Variants in DDX4 observed in about 807,000 individuals in gnomAD.
The protein encoded by DDX4 is probable ATP-dependent RNA helicase DDX4.
Under a neutral mutation model 100.0 loss-of-function variants are expected in DDX4, and 25 were observed. That is an observed-to-expected ratio of 0.25 (90% CI 0.18 to 0.35). The LOEUF (loss-of-function observed/expected upper bound fraction) is 0.35. Among genes scored for constraint, DDX4 ranks in the 10% least tolerant of loss-of-function variants. The pLI is 1.00. For synonymous variants in DDX4, 259 were observed against 275.7 expected, an observed-to-expected ratio of 0.94 and a Z score of 0.60; for missense variants, 635 against 882.4, an observed-to-expected ratio of 0.72 and a Z score of 3.55.
intron 18 of DDX4, among the ~76,000 whole-genome samples, chr5:55,812,094 G>T (rs181286514): frequency 1.3e-5 from 2 of 151,910 alleles, no homozygotes; most frequent in Non-Finnish European, 1.5e-5. Flanking sequence ...CTTGTAATAC[G>T]TTTTTTCAAA....
chr5:55,761,277 A>G (rs940442634), intron 4 of DDX4, among the ~76,000 whole-genome samples: 1 of 152,182 alleles, frequency 6.6e-6, no homozygotes, highest in African/African-American at 2.4e-5. Flanking sequence ...TACTATTAAA[A>G]TTAGAAATAT....
chr5:55,740,446 A>G (rs897366343), intron 2 of DDX4, among the ~76,000 whole-genome samples: 1 of 151,534 alleles, frequency 6.6e-6, no homozygotes, highest in African/African-American at 2.4e-5. Flanking sequence ...GATTACAGTC[A>G]TGAGCCACCG....
In DDX4 at chr5:55,816,718, A is replaced by G; in HGVS notation, c.*178A>G. The G allele has an allele frequency of 1.9e-6, 2 of 1,054,096 alleles. No individual in the cohort carries two copies. Among genetic ancestry groups the G allele is most frequent in the Non-Finnish European group, 1.3e-6 (1 of 767,500 alleles). The allele number at this position is 1,054,096 out of a possible 1,614,324, so 65.3% of individuals were successfully genotyped here. ...AGTTATGTGAGATGCTAAAACTTACAACATTGCAGTTACTGATACAAATGG... is the reference window on the plus strand; with the variant it reads ...AGTTATGTGAGATGCTAAAACTTACGACATTGCAGTTACTGATACAAATGG... On this transcript the variant is annotated 3_prime_UTR_variant, in exon 22 of 22. Transcript: ENST00000505374.
chr5:55,739,120 C>T, intron 2 of DDX4, 88 bp downstream of exon 2: 1 of 798,754 alleles, frequency 1.3e-6, no homozygotes, highest in Non-Finnish European at 2.1e-6. Context: ...ATTATACAGT[C>T]TGTGTCAGTG....
intron 15 of DDX4, 139 bp downstream of exon 15, chr5:55,788,139 T>C: frequency 1.3e-6 from 1 of 777,858 alleles, no homozygotes; most frequent in Non-Finnish European, 1.9e-6. Context: ...ATCTTGTTTA[T>C]GGAATCCTTT....
intron 17 of DDX4, 49 bp from the exon 18 acceptor site, chr5:55,798,377 T>G: frequency 6.3e-7 from 1 of 1,587,474 alleles, no homozygotes; most frequent in Non-Finnish European, 8.6e-7. Flanking sequence ...ATATTATGGA[T>G]ACTGATGGAG....
intron 2 of DDX4, 138 bp downstream of exon 2, chr5:55,739,170 A>G (rs1561475279): frequency 3.2e-6 from 2 of 624,342 alleles, no homozygotes; most frequent in East Asian, 2.8e-5. Context: ...TATATGGGGA[A>G]TAAGAGACAA....
Position 55,808,616 on chromosome 5 carries a change from A to G in DDX4, c.1616-5057A>G, listed in dbSNP as rs192848937. The stretch of plus-strand genomic sequence containing the variant: ...TTGTTTGCCTGGGTATCAGCAGCGG[A>G]GGCTGCAGAACAGCAGATATTGGTG... On this transcript the variant is annotated intron_variant, in intron 18 of 21. Coordinates refer to ENST00000505374, the MANE Select transcript of DDX4 (RefSeq NM_024415.3). Among the ~76,000 whole-genome samples, 923 of 152,326 alleles carry G rather than the reference A, an allele frequency of 6.1e-3. 11 individuals are homozygous for G. The highest frequency in any genetic ancestry group is 0.021 in the African/African-American group (890 of 41,578).
intron 21 of DDX4, among the ~76,000 whole-genome samples, chr5:55,815,986 A>T (rs950611778): frequency 3.9e-5 from 5 of 129,608 alleles, no homozygotes; most frequent in Non-Finnish European, 7.8e-5. Context: ...GGGTTTCACC[A>T]TGTTGGCCAG....
intron 10 of DDX4, 22 bp downstream of exon 10, chr5:55,782,003 C>G (rs1741943626): frequency 6.2e-7 from 1 of 1,612,948 alleles, no homozygotes; most frequent in Non-Finnish European, 8.5e-7. Flanking sequence ...TTTTGTTTAC[C>G]CGAAAGAAGT....
intron 4 of DDX4, among the ~76,000 whole-genome samples, chr5:55,761,128 T>C (rs967419909): frequency 6.6e-6 from 1 of 152,176 alleles, no homozygotes; most frequent in Non-Finnish European, 1.5e-5. Flanking sequence ...GTTTTATATT[T>C]TGACATGTTT....
At chr5:55,791,045 T>C (rs1742529988) in intron 16 of DDX4, among the ~76,000 whole-genome samples, 2 of 152,338 alleles carry the variant, frequency 1.3e-5, no homozygotes, top group South Asian at 2.1e-4. Flanking sequence ...ATGTAGTTAA[T>C]AACTTTTTAT....
intron 18 of DDX4, among the ~76,000 whole-genome samples, chr5:55,801,352 C>A (rs1434260761): frequency 1.3e-5 from 2 of 152,064 alleles, no homozygotes; most frequent in Non-Finnish European, 2.9e-5. Flanking sequence ...TTGGACACCC[C>A]TGGTTTAGGC....
At chr5:55,745,115 G>A (rs1389783599) in intron 2 of DDX4, among the ~76,000 whole-genome samples, 3 of 152,088 alleles carry the variant, frequency 2.0e-5, no homozygotes, top group Non-Finnish European at 2.9e-5. Flanking sequence ...GCTGACCTCA[G>A]GTGATCTGCC....
chr5:55,741,744 G>C (rs1331037644), intron 2 of DDX4, among the ~76,000 whole-genome samples: 1 of 151,756 alleles, frequency 6.6e-6, no homozygotes, highest in Non-Finnish European at 1.5e-5. Context: ...AGCCAAGTCC[G>C]GGCAGCTGCA....
At chr5:55,740,284 C>T (rs1758903357) in intron 2 of DDX4, among the ~76,000 whole-genome samples, 1 of 152,030 alleles carries the variant, frequency 6.6e-6, no homozygotes, top group Admixed American at 6.6e-5. Flanking sequence ...ATTCTCCTGC[C>T]TCAACCTCCC....
intron 18 of DDX4, among the ~76,000 whole-genome samples, chr5:55,803,310 G>A (rs1743446422): frequency 6.7e-6 from 1 of 149,230 alleles, no homozygotes; most frequent in African/African-American, 2.5e-5. Flanking sequence ...AGTATTCCAT[G>A]GTGTATATGT....
chr5:55,786,700 T>A lies in DDX4; in HGVS notation c.1017+30T>A, dbSNP rs755418579. 1.9e-6 allele frequency: 3 copies of A among 1,594,346 alleles called. No individual in the cohort carries two copies. In the South Asian group the frequency reaches 3.4e-5, roughly 18 times the overall value. On this transcript the variant is annotated intron_variant, in intron 14 of 21. Transcript: ENST00000505374. ...GTCTTTCCCCACATGTCCAAACTGT[T>A]AGGTTTTTTGAGCTTTGGTTCTTCC... is the stretch of plus-strand genomic sequence containing the variant.
chr5:55,781,992 A>G lies in DDX4; in HGVS notation c.625+11A>G. 6.2e-7 allele frequency: 1 copy of G among 1,613,296 alleles called. No individual in the cohort carries two copies. The highest frequency in any genetic ancestry group is 8.5e-7 in the Non-Finnish European group (1 of 1,179,860). On this transcript the variant is annotated intron_variant, in intron 10 of 21. Coordinates refer to ENST00000505374, the MANE Select transcript of DDX4 (RefSeq NM_024415.3). ...GTGGAAGTGAACGAGGTAAGTTCTT[A>G]TTTTGTTTACCCGAAAGAAGTTAAA...
Sources: allele counts gnomAD v4.1 joint callset (sites outside exome capture counted in the v4.1 genomes callset), GRCh38; gene constraint gnomAD v4.1.1; transcripts MANE v1.5; gene names NCBI Gene and HGNC (gene_info 2026-07-23, HGNC 2026-07-21).